ZSWIM6: variants seen among roughly 807,000 people sequenced by gnomAD.
ZSWIM6 encodes the protein zinc finger SWIM domain-containing protein 6.
In ZSWIM6, 9 loss-of-function variants were observed where a neutral mutation model predicts 113.2. The ratio of observed to expected loss-of-function variants is 0.08; its 90% confidence interval spans 0.05 to 0.14. The LOEUF (loss-of-function observed/expected upper bound fraction) is 0.14. Ranked by LOEUF, ZSWIM6 falls within the 10% of genes least tolerant of loss-of-function variation. The pLI is 1.00. For missense variants in ZSWIM6, 1,162 were observed against 1,552.2 expected, an observed-to-expected ratio of 0.75 and a Z score of 4.22; for synonymous variants, 611 against 606.5, an observed-to-expected ratio of 1.01 and a Z score of -0.11.
At chr5:61,540,980 G>A (rs1247788314) in intron 12 of ZSWIM6, among the ~76,000 whole-genome samples, 2 of 129,646 alleles carry the variant, frequency 1.5e-5, no homozygotes, top group South Asian at 2.4e-4. Context: ...GTCTCACTCT[G>A]TCACCCAGGC....
intron 1 of ZSWIM6, among the ~76,000 whole-genome samples, chr5:61,357,031 C>T (rs1230160423): frequency 6.6e-6 from 1 of 151,646 alleles, no homozygotes; most frequent in African/African-American, 2.4e-5. Context: ...ATAGCATCAT[C>T]ATCACCTCTT....
At chr5:61,495,054 A>T (rs1748280863) in intron 4 of ZSWIM6, among the ~76,000 whole-genome samples, 1 of 152,188 alleles carries the variant, frequency 6.6e-6, no homozygotes, top group South Asian at 2.1e-4. Context: ...ATAATGAATG[A>T]TGTATTTATT....
intron 13 of ZSWIM6, among the ~76,000 whole-genome samples, 185 bp downstream of exon 13, chr5:61,542,150 T>C (rs544195765): frequency 5.6e-4 from 85 of 152,384 alleles, no homozygotes; most frequent in African/African-American, 1.9e-3. Flanking sequence ...ATACTTGTAT[T>C]ATTCAACTTG....
chr5:61,433,054 A>G (rs1338867829), intron 1 of ZSWIM6, among the ~76,000 whole-genome samples: 2 of 152,196 alleles, frequency 1.3e-5, no homozygotes, highest in African/African-American at 2.4e-5. Flanking sequence ...TTTTTGTCTA[A>G]GCAAGGATAA....
intron 10 of ZSWIM6, among the ~76,000 whole-genome samples, chr5:61,537,752 T>G (rs767561959): frequency 6.6e-6 from 1 of 152,176 alleles, no homozygotes; most frequent in Non-Finnish European, 1.5e-5. Context: ...CCCAGCTGAC[T>G]CTTCTTGGTC....
At chr5:61,363,174 G>C (rs544073776) in intron 1 of ZSWIM6, among the ~76,000 whole-genome samples, 2 of 152,188 alleles carry the variant, frequency 1.3e-5, no homozygotes, top group African/African-American at 4.8e-5. Context: ...CTGCAAGGAA[G>C]GTGTTTGATC....
chr5:61,474,434 A>G (rs977083139), intron 2 of ZSWIM6, among the ~76,000 whole-genome samples: 2 of 152,258 alleles, frequency 1.3e-5, no homozygotes, highest in Non-Finnish European at 2.9e-5. Flanking sequence ...ACATTTTAAG[A>G]AGTGAAAAGA....
chr5:61,468,127 A>G (rs1747479766), intron 1 of ZSWIM6, among the ~76,000 whole-genome samples: 1 of 152,228 alleles, frequency 6.6e-6, no homozygotes, highest in Non-Finnish European at 1.5e-5. Context: ...TTCTAGCCAC[A>G]TTTTGCACAC....
intron 7 of ZSWIM6, among the ~76,000 whole-genome samples, chr5:61,528,591 C>CTT (rs577009372): frequency 6.3e-5 from 9 of 143,738 alleles, no homozygotes; most frequent in Admixed American, 1.4e-4. Context: ...CGTTTTTCCT[C>CTT]TTTTTTTTTT....
intron 1 of ZSWIM6, among the ~76,000 whole-genome samples, chr5:61,404,207 C>T (rs1056820469): frequency 1.6e-4 from 25 of 152,010 alleles, no homozygotes; most frequent in African/African-American, 5.8e-4. Flanking sequence ...GGGGTTTCAC[C>T]GTATTAGCCA....
At chr5:61,411,974 C>G (rs1041850644) in intron 1 of ZSWIM6, among the ~76,000 whole-genome samples, 7 of 152,188 alleles carry the variant, frequency 4.6e-5, no homozygotes, top group Non-Finnish European at 1.0e-4. Flanking sequence ...GACATTATAG[C>G]TGCTAATACC....
chr5:61,500,241 C>G (rs1017224852), intron 4 of ZSWIM6, among the ~76,000 whole-genome samples: 1 of 151,908 alleles, frequency 6.6e-6, no homozygotes, highest in African/African-American at 2.4e-5. Context: ...ATTCTCCTAC[C>G]TTAGCCTCCT....
At chr5:61,539,441 T>C (rs911302654) in intron 11 of ZSWIM6, among the ~76,000 whole-genome samples, 155 bp from the exon 12 acceptor site, 5 of 152,244 alleles carry the variant, frequency 3.3e-5, no homozygotes, top group Non-Finnish European at 7.3e-5. Context: ...CTGTGCCATC[T>C]GTGAACATGT....
intron 1 of ZSWIM6, among the ~76,000 whole-genome samples, chr5:61,398,132 G>T (rs536412488): frequency 6.6e-6 from 1 of 152,090 alleles, no homozygotes; most frequent in Non-Finnish European, 1.5e-5. Flanking sequence ...CACAGCAGGG[G>T]TCCCCAACCC....
At chr5:61,532,559 A>C (rs952232787) in intron 9 of ZSWIM6, among the ~76,000 whole-genome samples, 1 of 152,218 alleles carries the variant, frequency 6.6e-6, no homozygotes, top group East Asian at 1.9e-4. Context: ...GAACTACTAC[A>C]TATAGGGAAG....
intron 1 of ZSWIM6, among the ~76,000 whole-genome samples, chr5:61,379,102 A>T (rs372311693): frequency 2.0e-5 from 3 of 147,934 alleles, no homozygotes; most frequent in African/African-American, 7.6e-5. Context: ...GATTGCCCGA[A>T]CCCAGGAGTC....
At chr5:61,530,027 T>C in intron 7 of ZSWIM6, 25 bp from the exon 8 acceptor site, 1 of 1,525,814 alleles carries the variant, frequency 6.6e-7, no homozygotes, top group Non-Finnish European at 8.8e-7. Flanking sequence ...ACTCCCCCAT[T>C]TCTCAATTCC....
rs192250303 is a variant in ZSWIM6 at position 61,424,708 on chromosome 5, G to A, written c.677-47973G>A. ...AGTTTAAGAGTGTGAGTTCTGAGCC[G>A]GTCTACCTAATCTTGGCTCTTTTTT... On this transcript the variant is annotated intron_variant, in intron 1 of 13. Transcript: ENST00000252744. 8.9e-3 allele frequency among the ~76,000 whole-genome samples: 1,344 copies of A among 150,910 alleles called. 9 individuals carry two copies. Among genetic ancestry groups the A allele is most frequent in the Admixed American group, 0.013 (199 of 15,144 alleles).
chr5:61,332,278 G>C lies in ZSWIM6; in HGVS notation c.6G>C (p.Ala2=). 6.9e-6 allele frequency: 8 copies of C among 1,166,186 alleles called. No individual in the cohort carries two copies. The highest frequency in any genetic ancestry group is 7.4e-6 in the Non-Finnish European group (7 of 944,056). 72.2% of individuals were successfully genotyped at this position (1,166,186 alleles called of 1,614,324 possible). M[A]ERGQQPPPAK... ...GGGTTAGAAGCGGCGCGGTCATGGC[G>C]GAGCGCGGACAGCAGCCTCCTCCCG... Residue 2 remains alanine (A), a synonymous_variant, in exon 1 of 14, where the codon GCG becomes GCC. Transcript: ENST00000252744.
Sources: gnomAD v4.1 joint callset for allele counts (sites outside exome capture counted in the v4.1 genomes callset) on GRCh38, gnomAD v4.1.1 for gene constraint, MANE v1.5 for transcripts, NCBI Gene and HGNC (gene_info 2026-07-23, HGNC 2026-07-21) for gene names.